LRRC7: variants seen among roughly 807,000 people sequenced by gnomAD.
LRRC7 encodes leucine-rich repeat-containing protein 7.
LRRC7 carries 23 observed loss-of-function variants against 175.7 expected under a neutral mutation model. The ratio of observed to expected loss-of-function variants is 0.13; its 90% CI spans 0.09 to 0.19. The LOEUF is 0.19. LRRC7 is among the 10% of genes least tolerant of loss of function. The probability of loss-of-function intolerance (pLI) is 1.00; values close to 1 mark genes in which losing one functional copy is unlikely to be tolerated. For synonymous variants in LRRC7, 685 were observed against 680.9 expected, an observed-to-expected ratio of 1.01 and a Z score of -0.09; for missense variants, 1,354 against 1,904.7, an observed-to-expected ratio of 0.71 and a Z score of 5.38.
At chr1:69,589,115 G>GGGGTGTGTGTGT (rs1216721512) in intron 1 of LRRC7, among the ~76,000 whole-genome samples, 2 of 142,354 alleles carry the variant, frequency 1.4e-5, no homozygotes, top group African/African-American at 5.2e-5. Flanking sequence ...TCATAAAAAG[G>GGGGTGTGTGTGT]GTGTGTGTGT....
chr1:70,104,446 C>T (rs1410157530), intron 25 of LRRC7, among the ~76,000 whole-genome samples: 1 of 152,116 alleles, frequency 6.6e-6, no homozygotes, highest in African/African-American at 2.4e-5. Context: ...GATATTTCAC[C>T]TCCACAAATA....
chr1:70,052,032 G>T (rs1302212416), intron 22 of LRRC7, among the ~76,000 whole-genome samples: 1 of 152,020 alleles, frequency 6.6e-6, no homozygotes, highest in Non-Finnish European at 1.5e-5. Context: ...CTCTAGCTGG[G>T]CTTTATCAGT....
chr1:70,058,920 TAGG>T (rs1661363350), intron 23 of LRRC7, among the ~76,000 whole-genome samples: 1 of 152,168 alleles, frequency 6.6e-6, no homozygotes, highest in Non-Finnish European at 1.5e-5. Context: ...TTAAAAGTAT[TAGG>T]AGTCTTAAAC....
rs79150462 is a variant in LRRC7, at chr1:69,779,455, A to C, written c.304-12588A>C. Among the ~76,000 whole-genome samples, 419 of 152,320 alleles carry C rather than the reference A, an allele frequency of 2.8e-3. 2 individuals carry two copies. Among genetic ancestry groups the C allele is most frequent in the African/African-American group, 9.6e-3 (399 of 41,570 alleles). Reference sequence around the variant, plus strand: ...AAAGTAATCAAGGATATGTAAGTTAAATAACATTTTCATTTAAATATTTTA... The same window carrying C: ...AAAGTAATCAAGGATATGTAAGTTACATAACATTTTCATTTAAATATTTTA... On this transcript the variant is annotated intron_variant, in intron 3 of 26. Transcript: ENST00000651989.
intron 7 of LRRC7, among the ~76,000 whole-genome samples, chr1:69,915,236 A>G (rs1361789751): frequency 6.6e-6 from 1 of 152,204 alleles, no homozygotes; most frequent in Non-Finnish European, 1.5e-5. Flanking sequence ...AAATGCAAGG[A>G]GAGCCTGAAG....
chr1:69,715,238 G>C (rs905261767), intron 2 of LRRC7, among the ~76,000 whole-genome samples: 1 of 152,086 alleles, frequency 6.6e-6, no homozygotes, highest in African/African-American at 2.4e-5. Context: ...CCTGACTCTG[G>C]ACATGAACTA....
At chr1:69,755,910 T>C (rs1229086940) in intron 2 of LRRC7, among the ~76,000 whole-genome samples, 1 of 151,908 alleles carries the variant, frequency 6.6e-6, no homozygotes, top group African/African-American at 2.4e-5. Context: ...TTCTTCAGTA[T>C]AGGAAGACAG....
chr1:69,962,093 G>A (rs777588087), intron 8 of LRRC7, among the ~76,000 whole-genome samples: 4 of 152,012 alleles, frequency 2.6e-5, no homozygotes, highest in East Asian at 1.9e-4. Context: ...CTATGCATCC[G>A]ACAAAAGTCT....
intron 2 of LRRC7, among the ~76,000 whole-genome samples, chr1:69,706,197 GTTCTT>G (rs1329773486): frequency 1.3e-5 from 2 of 152,068 alleles, no homozygotes; most frequent in African/African-American, 4.8e-5. Context: ...ATTATTTCTT[GTTCTT>G]TTGTTTCCAG....
rs184839005 is a variant in LRRC7, at chr1:69,978,280, C to G, written c.712-2099C>G. ...CCTGGGTGACAGAGTGAGACTCCGTCGTCTGCGAGGAGAGGAGGGGAGGGA... is the reference window on the plus strand; with the variant it reads ...CCTGGGTGACAGAGTGAGACTCCGTGGTCTGCGAGGAGAGGAGGGGAGGGA... On this transcript the variant is annotated intron_variant, in intron 8 of 26. Coordinates refer to ENST00000651989, the MANE Select transcript of LRRC7 (RefSeq NM_001370785.2). 3.9e-3 allele frequency among the ~76,000 whole-genome samples: 480 copies of G among 121,576 alleles called. 5 individuals carry two copies. The highest frequency in any genetic ancestry group is 4.0e-3 in the Non-Finnish European group (249 of 61,496). The allele number at this position is 121,576 out of a possible 152,430, so 79.8% of individuals were successfully genotyped here.
At chr1:69,741,593 GCACAGAGA>G (rs1430745077) in intron 2 of LRRC7, among the ~76,000 whole-genome samples, 4 of 151,852 alleles carry the variant, frequency 2.6e-5, no homozygotes, top group Non-Finnish European at 4.4e-5. Context: ...TAGAAAGAGA[GCACAGAGA>G]CAGGTATGAG....
intron 7 of LRRC7, 155 bp downstream of exon 7, chr1:69,838,438 T>A (rs1356053672): frequency 1.7e-6 from 1 of 592,276 alleles, no homozygotes; most frequent in African/African-American, 1.9e-5. Context: ...TGTAAAAGAT[T>A]CATATTACAT....
intron 22 of LRRC7, among the ~76,000 whole-genome samples, chr1:70,049,696 C>T (rs925218836): frequency 2.6e-5 from 4 of 152,020 alleles, no homozygotes; most frequent in Admixed American, 2.6e-4. Context: ...ATATTACCAC[C>T]TTCAGATTGA....
At chr1:69,825,724 T>C (rs770984902) in intron 4 of LRRC7, 24 bp from the exon 5 acceptor site, 2 of 1,445,856 alleles carry the variant, frequency 1.4e-6, no homozygotes, top group Non-Finnish European at 1.9e-6. Flanking sequence ...CATTTTCATG[T>C]ACTTTGTTTT....
intron 3 of LRRC7, among the ~76,000 whole-genome samples, chr1:69,761,936 TG>T (rs936639720): frequency 6.6e-6 from 1 of 151,860 alleles, no homozygotes; most frequent in African/African-American, 2.4e-5. Context: ...AAAATAGGCA[TG>T]GGGGGTGGCG....
rs188505438 is a variant in LRRC7 at position 69,768,954 on chromosome 1, G to C, written c.303+8561G>C. On this transcript the variant is annotated intron_variant, in intron 3 of 26. Transcript: ENST00000651989. ...AAGATGTCATGGAATGTGCTTTTAT[G>C]TTTGGGGATGTGGGGTGGAATAGGT... is the stretch of plus-strand genomic sequence containing the variant. Among the ~76,000 whole-genome samples the C allele has an allele frequency of 1.6e-4, 25 of 152,284 alleles. 1 individual carries two copies. In the East Asian group the frequency reaches 4.1e-3, roughly 25 times the overall value.
At chr1:69,798,224 T>C (rs1384883973) in intron 4 of LRRC7, among the ~76,000 whole-genome samples, 3 of 152,156 alleles carry the variant, frequency 2.0e-5, no homozygotes, top group African/African-American at 7.2e-5. Flanking sequence ...CTGGCTGATT[T>C]GCATTTTTTA....
chr1:70,104,461 A>G (rs183342411), intron 25 of LRRC7, among the ~76,000 whole-genome samples: 1 of 152,304 alleles, frequency 6.6e-6, no homozygotes, highest in East Asian at 1.9e-4. Context: ...CAAATAGTGA[A>G]TGCCACAGAC....
chr1:69,885,408 G>T (rs1418378011), intron 7 of LRRC7, among the ~76,000 whole-genome samples: 1 of 144,716 alleles, frequency 6.9e-6, no homozygotes, highest in East Asian at 2.1e-4. Flanking sequence ...TTGCGTAGAG[G>T]TGTTTGTAGT....
Sources: allele counts gnomAD v4.1 joint callset (sites outside exome capture counted in the v4.1 genomes callset), GRCh38; gene constraint gnomAD v4.1.1; transcripts MANE v1.5; gene names NCBI Gene and HGNC (gene_info 2026-07-23, HGNC 2026-07-21).